DOP1A: variants seen among roughly 807,000 people sequenced by gnomAD.
The protein encoded by DOP1A is protein DOP1A.
Under a neutral mutation model 267.6 loss-of-function variants are expected in DOP1A, and 90 were observed. That is an observed-to-expected ratio of 0.34 (90% CI 0.28 to 0.40). The LOEUF is 0.40. Ranked by LOEUF, DOP1A falls within the 10% of genes least tolerant of loss-of-function variation. The pLI is 1.00. For synonymous variants in DOP1A, 932 were observed against 999.1 expected, an observed-to-expected ratio of 0.93 and a Z score of 1.27; for missense variants, 2,437 against 2,900.4, an observed-to-expected ratio of 0.84 and a Z score of 3.67.
rs751858627 is a variant in DOP1A, at chr6:83,156,113, G to A, written c.6604+10G>A. ...CTTCCAGATATACAAGGTAAAAAAT[G>A]AAAAACCCTTTATTTTTTCTCTAAC... On this transcript the variant is annotated intron_variant, in intron 34 of 38. Transcript: ENST00000349129. 6 of 1,595,390 alleles carry A rather than the reference G, an allele frequency of 3.8e-6. No individual in the cohort carries two copies. In the South Asian group the frequency reaches 4.6e-5, roughly 12 times the overall value.
Position 83,167,652 on chromosome 6 carries a change from A to G in DOP1A, c.7093-210A>G. 2.3e-6 allele frequency: 3 copies of G among 1,284,030 alleles called. No homozygotes were observed. The South Asian group carries it at 8.3e-5, about 36-fold the overall frequency. 79.5% of individuals were successfully genotyped at this position (1,284,030 alleles called of 1,614,324 possible). ...CTGCGCATTCTAGTTGGGAACTATT[A>G]CTACAATGTTAGACTGCTCCATGTA... is the stretch of plus-strand genomic sequence containing the variant. On this transcript the variant is annotated intron_variant, in intron 38 of 38. Transcript: ENST00000349129.
At position 83,104,327 on chromosome 6, in the gene DOP1A, G is replaced by A. The variant is rs145479018; in HGVS notation, c.320+3441G>A. 2.5e-3 allele frequency among the ~76,000 whole-genome samples: 377 copies of A among 152,170 alleles called. 2 individuals are homozygous for A. The highest frequency in any genetic ancestry group is 8.4e-3 in the African/African-American group (351 of 41,556). ...CTATAGTAAAGTGTTAAAGAGAGTA[G>A]GGGCAAGTATATCTTTGTCTTATTT... On this transcript the variant is annotated intron_variant, in intron 4 of 38. Coordinates refer to ENST00000349129, the MANE Select transcript of DOP1A (RefSeq NM_015018.4).
chr6:83,099,556 G>A (rs1772149920), intron 3 of DOP1A, among the ~76,000 whole-genome samples: 1 of 152,008 alleles, frequency 6.6e-6, no homozygotes, highest in Non-Finnish European at 1.5e-5. Flanking sequence ...TACATAATTA[G>A]TTTTTTAGAT....
At chr6:83,111,142 T>C (rs1774490306) in intron 6 of DOP1A, among the ~76,000 whole-genome samples, 1 of 152,034 alleles carries the variant, frequency 6.6e-6, no homozygotes, top group Non-Finnish European at 1.5e-5. Context: ...TTTGTGTTCT[T>C]TAAATCCACG....
chr6:83,122,000 G>C lies in DOP1A; in HGVS notation c.1170G>C (p.Leu390Phe). ...RTLYSQCKAE[L>F]DLQTEPPFSK... ...TATATTCTCAATGCAAAGCAGAGTT[G>C]GATCTTCAAACTGAACCACCCTTCA... Residue 390 changes from leucine to phenylalanine, a missense_variant, in exon 11 of 39, where the codon TTG becomes TTC. Around this residue, in one of 9 missense-constraint regions of DOP1A, gnomAD observed 498 missense variants for 513.5 expected, o/e 0.97. Coordinates refer to ENST00000349129, the MANE Select transcript of DOP1A (RefSeq NM_015018.4). 6.2e-7 allele frequency: 1 copy of C among 1,611,428 alleles called. No individual in the cohort carries two copies. The highest frequency in any genetic ancestry group is 1.1e-5 in the South Asian group (1 of 90,950).
intron 3 of DOP1A, 52 bp downstream of exon 3, chr6:83,097,167 T>C: frequency 1.9e-6 from 3 of 1,552,784 alleles, no homozygotes; most frequent in Non-Finnish European, 2.6e-6. Flanking sequence ...GAAATCTGTG[T>C]TTGTACTTGT....
In DOP1A at chr6:83,109,080, G is replaced by A; in HGVS notation, c.491G>A (p.Arg164Lys). The A allele has an allele frequency of 6.2e-7, 1 of 1,608,754 alleles. No individual in the cohort carries two copies. The highest frequency in any genetic ancestry group is 8.5e-7 in the Non-Finnish European group (1 of 1,178,576). The change falls in exon 5 of 39, where the codon AGA (arginine) becomes AAA (lysine). Residue 164 changes from arginine (R) to lysine (K), a missense_variant and splice_region_variant. Physicochemically the swap from Arg to Lys is conservative, Grantham distance 26. Transcript: ENST00000349129. ...GLEEGSEYYE[R>K]TNMLLEKVAA... Reference sequence around the variant, plus strand: ...GAAGAAGGATCAGAGTACTATGAGAGGTAAGATCATATTTGGTGCAGTTAT... The same window carrying A: ...GAAGAAGGATCAGAGTACTATGAGAAGTAAGATCATATTTGGTGCAGTTAT...
chr6:83,100,751 C>A lies in DOP1A; in HGVS notation c.185C>A (p.Thr62Asn). The A allele has an allele frequency of 6.4e-7, 1 of 1,557,422 alleles. No homozygotes were observed. The highest frequency in any genetic ancestry group is 8.7e-7 in the Non-Finnish European group (1 of 1,150,478). Reference protein sequence around the residue: ...AKYQVVPKKLTIGKRLAQCLH... With the variant: ...AKYQVVPKKLNIGKRLAQCLH... ...TACCAAGTAGTACCCAAAAAGCTGACCATAGGCAAACGCCTAGCTCAATGT... is the reference window on the plus strand; with the variant it reads ...TACCAAGTAGTACCCAAAAAGCTGAACATAGGCAAACGCCTAGCTCAATGT... The change falls in exon 4 of 39, where the codon ACC becomes AAC. Residue 62 changes from threonine (T) to asparagine (N), a missense_variant. Physicochemically the swap from Thr to Asn is moderately conservative, Grantham distance 65. Around this residue, in one of 9 missense-constraint regions of DOP1A, gnomAD observed 251 missense variants for 359.1 expected, o/e 0.70. Transcript: ENST00000349129.
intron 24 of DOP1A, 96 bp from the exon 25 acceptor site, chr6:83,145,428 T>G: frequency 8.9e-7 from 1 of 1,129,074 alleles, no homozygotes; most frequent in South Asian, 1.9e-5. Context: ...ATTTAAAAAA[T>G]ATAAAAAAAG....
chr6:83,076,357 A>C (rs1230376943), intron 1 of DOP1A, among the ~76,000 whole-genome samples: 1 of 152,162 alleles, frequency 6.6e-6, no homozygotes. Context: ...CCCGGTCTCT[A>C]CTAAAATACA....
chr6:83,151,914 G>T lies in DOP1A; in HGVS notation c.5936G>T (p.Gly1979Val), dbSNP rs755004469. ...DVTHKIVDAI[G>V]AIAGSSLEQT... ...ACTCACAAAATAGTGGATGCAATTGGTGCAATTGCTGGTTCTTCTCTGGAA... is the reference window on the plus strand; with the variant it reads ...ACTCACAAAATAGTGGATGCAATTGTTGCAATTGCTGGTTCTTCTCTGGAA... Residue 1979 changes from glycine to valine, a missense_variant, in exon 29 of 39, where the codon GGT becomes GTT. This residue lies in a region of DOP1A where 216 missense variants were observed against 283.3 expected (regional missense o/e 0.76). Coordinates refer to ENST00000349129, the MANE Select transcript of DOP1A (RefSeq NM_015018.4). The T allele has an allele frequency of 1.9e-6, 3 of 1,613,350 alleles. No homozygotes were observed. Among genetic ancestry groups the T allele is most frequent in the Non-Finnish European group, 2.5e-6 (3 of 1,179,516 alleles).
chr6:83,118,344 TAAAAA>T (rs1037512535), intron 7 of DOP1A, among the ~76,000 whole-genome samples: 1 of 152,134 alleles, frequency 6.6e-6, no homozygotes, highest in African/African-American at 2.4e-5. Flanking sequence ...TTATTTCTCT[TAAAAA>T]GAAATGGAAC....
At chr6:83,164,634 G>GT in intron 38 of DOP1A, 1 of 1,556,972 alleles carries the variant, frequency 6.4e-7, no homozygotes, top group Non-Finnish European at 8.7e-7. Context: ...AACAAAGGCT[G>GT]TGAGTTCTCC....
At chr6:83,129,707 C>G (rs1354000565) in intron 16 of DOP1A, among the ~76,000 whole-genome samples, 199 bp downstream of exon 16, 11 of 152,066 alleles carry the variant, frequency 7.2e-5, no homozygotes. Context: ...TGATGTCTTT[C>G]ACAGTTTGCA....
chr6:83,167,868 C>A lies in DOP1A; in HGVS notation c.7099C>A (p.Pro2367Thr). 1 of 1,602,498 alleles carries A rather than the reference C, an allele frequency of 6.2e-7. No individual in the cohort carries two copies. Among genetic ancestry groups the A allele is most frequent in the Non-Finnish European group, 8.5e-7 (1 of 1,173,410 alleles). ...CACTTTTTGTTTTCTGCAGAAAAAT[C>A]CAGAGGAAGACAACTCAGGGAGAAC... ...KLLRKRAKKN[P>T]EEDNSGRTLG... Residue 2367 changes from proline to threonine, a missense_variant, in exon 39 of 39, where the codon CCA becomes ACA. Pro to Thr is a conservative substitution (Grantham distance 38). Coordinates refer to ENST00000349129, the MANE Select transcript of DOP1A (RefSeq NM_015018.4).
downstream of DOP1A, chr6:83,171,227 A>C (rs1787031219): frequency 6.6e-6 from 1 of 152,162 alleles, no homozygotes; most frequent in Non-Finnish European, 1.5e-5. Flanking sequence ...TGTATAGGGC[A>C]ATAATTGAAA....
chr6:83,118,877 A>G lies in DOP1A; in HGVS notation c.781-11A>G, dbSNP rs1775894060. 1.2e-6 allele frequency: 2 copies of G among 1,612,640 alleles called. No homozygotes were observed. Among genetic ancestry groups the G allele is most frequent in the Non-Finnish European group, 1.7e-6 (2 of 1,178,842 alleles). On this transcript the variant is annotated splice_polypyrimidine_tract_variant and intron_variant, in intron 7 of 38. Coordinates refer to ENST00000349129, the MANE Select transcript of DOP1A (RefSeq NM_015018.4). ...TATTGCTAAGTACAACCATATTCCT[A>G]ACTCTTTCAGGCCACTCGACCGGAT...
chr6:83,072,566 A>T (rs972271999), intron 1 of DOP1A, among the ~76,000 whole-genome samples: 38 of 152,326 alleles, frequency 2.5e-4, no homozygotes, highest in African/African-American at 8.7e-4. Context: ...TCTCACTGTA[A>T]AATAAGGGAG....
rs1248920781 is a variant in DOP1A at position 83,138,321 on chromosome 6, C to T, written c.4279C>T (p.Arg1427Trp). The change falls in exon 21 of 39, where the codon CGG (arginine) becomes TGG (tryptophan). Residue 1427 changes from arginine (R) to tryptophan (W), a missense_variant. By Grantham distance (101) the Arg-to-Trp change is moderately radical. Transcript: ENST00000349129. ...CCTTCAGAATCTATTGGCCAGACACCGGATTTCTGTTATGGGCAAAGATTT... is the reference window on the plus strand; with the variant it reads ...CCTTCAGAATCTATTGGCCAGACACTGGATTTCTGTTATGGGCAAAGATTT... ...SLLQNLLARH[R>W]ISVMGKDFYS... 6.2e-6 allele frequency: 10 copies of T among 1,612,192 alleles called. No individual in the cohort carries two copies. Among genetic ancestry groups the T allele is most frequent in the Admixed American group, 1.7e-5 (1 of 59,986 alleles).
Sources: allele counts gnomAD v4.1 joint callset (sites outside exome capture counted in the v4.1 genomes callset), GRCh38; gene constraint gnomAD v4.1.1; regional missense constraint gnomAD v4.1.1; transcripts MANE v1.5; gene names NCBI Gene and HGNC (gene_info 2026-07-23, HGNC 2026-07-21).